TMEM175: variants seen among roughly 807,000 people sequenced by gnomAD.
TMEM175 encodes transmembrane protein 175.
A neutral mutation model predicts 36.5 loss-of-function variants in TMEM175; 36 were observed. The observed-to-expected ratio is 0.99, with a 90% CI of 0.76 to 1.30. The LOEUF is 1.30. Among genes scored for constraint, TMEM175 ranks in the 50% most tolerant of loss-of-function variants. The pLI, the probability that TMEM175 is intolerant of heterozygous loss-of-function variation, is 0.00. For synonymous variants in TMEM175, 339 were observed against 313.4 expected, an observed-to-expected ratio of 1.08 and a Z score of -0.86; for missense variants, 705 against 692.8, an observed-to-expected ratio of 1.02 and a Z score of -0.20.
intron 10 of TMEM175, chr4:956,657 T>C (rs910905035): frequency 1.3e-5 from 5 of 389,802 alleles, no homozygotes; most frequent in South Asian, 1.1e-4. Context: ...TTGGCCAGGC[T>C]GGTCTTGAAC....
At chr4:933,869 T>C (rs1303670768) in intron 1 of TMEM175, among the ~76,000 whole-genome samples, 1 of 152,222 alleles carries the variant, frequency 6.6e-6, no homozygotes, top group East Asian at 1.9e-4. Context: ...TGAAGCCAAA[T>C]GACATCTTTA....
intron 5 of TMEM175, 117 bp from the exon 6 acceptor site, chr4:951,565 C>A (rs1728892982): frequency 1.5e-6 from 2 of 1,358,254 alleles, no homozygotes; most frequent in Admixed American, 3.5e-5. Flanking sequence ...CTCACACTCG[C>A]TGGCCCACCC....
intron 1 of TMEM175, among the ~76,000 whole-genome samples, chr4:935,055 T>C (rs1410117199): frequency 6.6e-6 from 1 of 152,194 alleles, no homozygotes; most frequent in Non-Finnish European, 1.5e-5. Flanking sequence ...ATAGCTATTA[T>C]GAGAAACCTA....
intron 4 of TMEM175, 101 bp downstream of exon 4, chr4:950,619 G>GCTA: frequency 1.1e-6 from 1 of 897,578 alleles, no homozygotes; most frequent in Non-Finnish European, 1.8e-6. Context: ...AGGACAGCAG[G>GCTA]CTACTCCTCC....
At chr4:951,804 G>A in intron 6 of TMEM175, 87 bp downstream of exon 6, 1 of 1,376,350 alleles carries the variant, frequency 7.3e-7, no homozygotes, top group South Asian at 1.2e-5. Flanking sequence ...CAGCTGGATG[G>A]CCCAGGGCCC....
chr4:942,293 C>G (rs1284021285), intron 1 of TMEM175, among the ~76,000 whole-genome samples: 1 of 152,132 alleles, frequency 6.6e-6, no homozygotes, highest in Non-Finnish European at 1.5e-5. Context: ...TCTCGATCTC[C>G]TGACCTTGTG....
chr4:954,595 G>A (rs1729385111), intron 8 of TMEM175, among the ~76,000 whole-genome samples: 1 of 152,208 alleles, frequency 6.6e-6, no homozygotes, highest in African/African-American at 2.4e-5. Flanking sequence ...ATGCCTCTCT[G>A]AGCATTGCTG....
intron 10 of TMEM175, chr4:956,324 T>C (rs1309294787): frequency 1.6e-6 from 2 of 1,286,138 alleles, no homozygotes. Flanking sequence ...CAGCCCCTCC[T>C]GCTCCCTTTG....
chr4:948,286 C>T (rs368071432), intron 3 of TMEM175, 132 bp downstream of exon 3: 11 of 1,577,510 alleles, frequency 7.0e-6, no homozygotes, highest in Admixed American at 5.5e-5. Context: ...AGGCGGGAGG[C>T]GGGGGCCTCC....
rs770521696 is a variant in TMEM175, at chr4:932,952, T to G, written c.-32+412T>G. Among the ~76,000 whole-genome samples, 5 of 152,146 alleles carry G rather than the reference T, an allele frequency of 3.3e-5. No individual in the cohort carries two copies. The highest frequency in any genetic ancestry group is 7.4e-5 in the Non-Finnish European group (5 of 68,024). On this transcript the variant is annotated intron_variant, in intron 1 of 10. Coordinates refer to ENST00000264771, the MANE Select transcript of TMEM175 (RefSeq NM_032326.4). This position sits in a 1 kb window ranked among gnomAD's most constrained non-coding sequence, Gnocchi z 4.0. ...TGGGAGCCGTGGGCTAGAAAAACCT[T>G]CGTCCTGGGCAACCACAACACTGCA...
intron 10 of TMEM175, chr4:956,220 C>T: frequency 9.9e-7 from 1 of 1,006,812 alleles, no homozygotes; most frequent in Non-Finnish European, 1.3e-6. Flanking sequence ...TATCCCCCTG[C>T]CCCAGGCCTC....
intron 2 of TMEM175, 99 bp downstream of exon 2, chr4:947,991 G>C (rs945373433): frequency 1.2e-6 from 2 of 1,611,084 alleles, no homozygotes; most frequent in African/African-American, 2.7e-5. Context: ...AGCATCCTTG[G>C]GTCCCCCAGC....
intron 9 of TMEM175, 34 bp from the exon 10 acceptor site, chr4:955,721 T>A: frequency 6.2e-7 from 1 of 1,603,860 alleles, no homozygotes; most frequent in South Asian, 1.1e-5. Flanking sequence ...ACATGGGGGG[T>A]TTGGCCAGCT....
At chr4:952,808 T>C (rs1729117576) in intron 7 of TMEM175, among the ~76,000 whole-genome samples, 1 of 151,534 alleles carries the variant, frequency 6.6e-6, no homozygotes. Flanking sequence ...AGTGATCGAT[T>C]GCCGTCAGGT....
intron 7 of TMEM175, 92 bp downstream of exon 7, chr4:952,542 A>AG (rs1729054582): frequency 8.0e-6 from 9 of 1,131,840 alleles, no homozygotes; most frequent in Admixed American, 6.3e-5. Context: ...TCGTGCAGGT[A>AG]GGGGGCCCAG....
chr4:948,217 C>T lies in TMEM175; in HGVS notation c.192+63C>T, dbSNP rs970314775. ...GCGAAGATATAGGGTCCCCGAGGCT[C>T]GACCTGGCACAGGGTGCTGACCCTG... On this transcript the variant is annotated intron_variant, in intron 3 of 10. Coordinates refer to ENST00000264771, the MANE Select transcript of TMEM175 (RefSeq NM_032326.4). 6.8e-6 allele frequency: 11 copies of T among 1,613,592 alleles called. 1 individual carries two copies. In the Middle Eastern group the frequency reaches 4.9e-4, roughly 73 times the overall value.
At chr4:935,361 T>C (rs1726672432) in intron 1 of TMEM175, among the ~76,000 whole-genome samples, 2 of 152,228 alleles carry the variant, frequency 1.3e-5, no homozygotes, top group Admixed American at 1.3e-4. Flanking sequence ...TATCCAAAAC[T>C]GAAGTTATAG....
At chr4:949,870 C>T (rs1438716140) in intron 3 of TMEM175, among the ~76,000 whole-genome samples, 1 of 151,928 alleles carries the variant, frequency 6.6e-6, no homozygotes, top group Non-Finnish European at 1.5e-5. Context: ...GTGCTGTCAA[C>T]CTGTGTGTCC....
intron 3 of TMEM175, chr4:948,500 C>T (rs571715616): frequency 1.1e-5 from 16 of 1,412,166 alleles, no homozygotes; most frequent in Middle Eastern, 3.7e-4. Context: ...GTTTCCTCTG[C>T]GGGAGGGCAG....
Sources: allele counts gnomAD v4.1 joint callset (sites outside exome capture counted in the v4.1 genomes callset), GRCh38; gene constraint gnomAD v4.1.1; non-coding constraint Gnocchi (gnomAD v3.1); transcripts MANE v1.5; gene names NCBI Gene and HGNC (gene_info 2026-07-23, HGNC 2026-07-21).